Variants in PLXND1 observed in about 807,000 individuals in gnomAD.
PLXND1 encodes plexin D1.
A neutral mutation model predicts 197.7 loss-of-function variants in PLXND1; 54 were observed. That is an observed-to-expected ratio of 0.27 (90% CI 0.22 to 0.34). The LOEUF (loss-of-function observed/expected upper bound fraction) is 0.34. Among genes scored for constraint, PLXND1 ranks in the 10% least tolerant of loss-of-function variants. PLXND1 has a pLI of 1.00. For missense variants in PLXND1, 2,127 were observed against 2,699.2 expected (o/e 0.79, Z 4.70); for synonymous variants, 1,180 against 1,161.2 (o/e 1.02, Z -0.33).
chr3:129,562,760 G>C, intron 27 of PLXND1, 27 bp downstream of exon 27: 1 of 1,577,134 alleles, frequency 6.3e-7, no homozygotes, highest in Non-Finnish European at 8.7e-7. Flanking sequence ...CGCCTGACAC[G>C]GGGTCTCTGC....
At chr3:129,574,251 TC>T (rs1354755659) in intron 12 of PLXND1, 84 bp downstream of exon 12, 6 of 1,312,412 alleles carry the variant, frequency 4.6e-6, no homozygotes, top group Admixed American at 2.6e-5. Flanking sequence ...GCCGTTTGGG[TC>T]CCCAAGAAGT....
rs1196702248 is a variant in PLXND1 at position 129,586,752 on chromosome 3, C to G, written c.1489-33G>C. The G allele has an allele frequency of 1.3e-6, 2 of 1,591,038 alleles. 1 individual carries two copies. The highest frequency in any genetic ancestry group is 4.5e-5 in the East Asian group (2 of 44,054). ...GGTAGTGGGCATCAGGGTGCTGGAG[C>G]CCATAGCAGGGGAGGCCAAACCCAG... On this transcript the variant is annotated intron_variant, in intron 2 of 35. Transcript: ENST00000324093.
In PLXND1 at chr3:129,605,593, C is replaced by G. The variant is rs1435576646; in HGVS notation, c.1047G>C (p.Ala349=). 4 of 1,532,850 alleles carry G rather than the reference C, an allele frequency of 2.6e-6. No individual in the cohort carries two copies. The highest frequency in any genetic ancestry group is 3.5e-6 in the Non-Finnish European group (4 of 1,144,220). 95.0% of individuals were successfully genotyped at this position (1,532,850 alleles called of 1,614,324 possible). The change falls in exon 1 of 36, where the codon GCG becomes GCC. Residue 349 remains alanine (A), a synonymous_variant. Coordinates refer to ENST00000324093, the MANE Select transcript of PLXND1 (RefSeq NM_015103.3). The stretch of plus-strand genomic sequence containing the variant: ...GGCGGCTGTAGAGGTCGCCGCGGCC[C>G]GCGCCGCCCGCGCACTGCAAGCCCA... ...IQLGLQCAGG[A]GRGDLYSRLV...
Position 129,556,161 on chromosome 3 carries a change from C to A in PLXND1, c.*151G>T. ...GGGGTCAAGGCGGGGGCGCCCCTGT[C>A]TCAGAGAGCAGCCCCTCCTCCTGCC... On this transcript the variant is annotated 3_prime_UTR_variant, in exon 36 of 36. Transcript: ENST00000324093. The A allele has an allele frequency of 1.5e-6, 1 of 665,250 alleles. No individual in the cohort carries two copies. The highest frequency in any genetic ancestry group is 2.3e-5 in the Admixed American group (1 of 42,914). The allele number at this position is 665,250 out of a possible 1,614,324, so 41.2% of individuals were successfully genotyped here.
chr3:129,567,425 C>T, intron 22 of PLXND1, 67 bp downstream of exon 22: 1 of 914,650 alleles, frequency 1.1e-6, no homozygotes, highest in Non-Finnish European at 1.8e-6. Flanking sequence ...GCTGGCAGGG[C>T]TCAGAGAGGT....
chr3:129,601,024 GGGAA>G (rs2085700203), intron 1 of PLXND1, among the ~76,000 whole-genome samples: 1 of 152,070 alleles, frequency 6.6e-6, no homozygotes, highest in African/African-American at 2.4e-5. Context: ...GAAAGACTTG[GGGAA>G]GGAAGGTAGA....
chr3:129,605,292 C>A, intron 1 of PLXND1, 37 bp downstream of exon 1: 1 of 1,067,234 alleles, frequency 9.4e-7, no homozygotes, highest in Non-Finnish European at 1.2e-6. Context: ...CCCCCGCCGC[C>A]GCCGCCGCCG....
Position 129,605,719 on chromosome 3 carries a change from C to T in PLXND1, c.921G>A (p.Ala307=). 3 of 1,541,440 alleles carry T rather than the reference C, an allele frequency of 1.9e-6. No homozygotes were observed. Among genetic ancestry groups the T allele is most frequent in the Non-Finnish European group, 2.6e-6 (3 of 1,144,994 alleles). Residue 307 remains alanine, a synonymous_variant, in exon 1 of 36, where the codon GCG becomes GCA. Coordinates refer to ENST00000324093, the MANE Select transcript of PLXND1 (RefSeq NM_015103.3). ...TCCGCGCCTGGCTCTCCTTGTCGCC[C>T]GCGCGCGCCTCGCTGTTGAGCGCCA... The part of the protein sequence containing the change: ...AYLALNSEAR[A]GDKESQARSL...
rs181923492 is a variant in PLXND1, at chr3:129,601,330, G to A, written c.1311+3999C>T. On this transcript the variant is annotated intron_variant, in intron 1 of 35. Coordinates refer to ENST00000324093, the MANE Select transcript of PLXND1 (RefSeq NM_015103.3). ...CAGCAGCTTCTCCCTTTGGGTTCTC[G>A]GGAAGAAGGTGGAGGGCAGAGGGCA... Among the ~76,000 whole-genome samples the A allele has an allele frequency of 7.4e-4, 113 of 152,254 alleles. 1 individual carries two copies. The East Asian group carries it at 0.015, about 20-fold the overall frequency.
rs945593323 is a variant in PLXND1, at chr3:129,556,069, G to C, written c.*243C>G. On this transcript the variant is annotated 3_prime_UTR_variant, in exon 36 of 36. Coordinates refer to ENST00000324093, the MANE Select transcript of PLXND1 (RefSeq NM_015103.3). ...CCGTGCTGGGCAGATGGGGGAGCCT[G>C]ACCAGCTCTCTGGCCTCCATCCCAG... is the stretch of plus-strand genomic sequence containing the variant. 2 of 503,722 alleles carry C rather than the reference G, an allele frequency of 4.0e-6. No individual in the cohort carries two copies. Among genetic ancestry groups the C allele is most frequent in the Non-Finnish European group, 7.2e-6 (2 of 277,634 alleles). 31.2% of individuals were successfully genotyped at this position (503,722 alleles called of 1,614,324 possible).
At chr3:129,595,921 G>GCGCGCGCACACACACACACACA (rs138452605) in intron 1 of PLXND1, among the ~76,000 whole-genome samples, 1 of 146,410 alleles carries the variant, frequency 6.8e-6, no homozygotes, top group South Asian at 2.2e-4. Context: ...GTGCACGCAC[G>GCGCGCGCACACACACACACACA]CACACACACA....
chr3:129,576,356 A>G lies in PLXND1; in HGVS notation c.2347-501T>C, dbSNP rs182441575. On this transcript the variant is annotated intron_variant, in intron 9 of 35. Transcript: ENST00000324093. ...AAGCTCAACACAGCCTTCAGGATCCAGCTTAAAAGCCCCCTGTTCTGAAGC... is the reference window on the plus strand; with the variant it reads ...AAGCTCAACACAGCCTTCAGGATCCGGCTTAAAAGCCCCCTGTTCTGAAGC... Among the ~76,000 whole-genome samples the G allele has an allele frequency of 3.3e-4, 50 of 152,330 alleles. No homozygotes were observed. In the East Asian group the frequency reaches 8.7e-3, roughly 26 times the overall value.
chr3:129,576,461 T>C (rs1271573452), intron 9 of PLXND1, among the ~76,000 whole-genome samples: 4 of 152,186 alleles, frequency 2.6e-5, no homozygotes, highest in Non-Finnish European at 5.9e-5. Context: ...ACTATTCAGG[T>C]GTCTGCTGGG....
At chr3:129,599,034 CCTTGCCACT>C (rs2085667913) in intron 1 of PLXND1, among the ~76,000 whole-genome samples, 2 of 152,342 alleles carry the variant, frequency 1.3e-5, no homozygotes. Flanking sequence ...GGGAAGGCTT[CCTTGCCACT>C]CCATGGGCCA....
intron 19 of PLXND1, 153 bp downstream of exon 19, chr3:129,570,633 G>T: frequency 1.3e-6 from 1 of 747,322 alleles, no homozygotes; most frequent in Non-Finnish European, 2.2e-6. Flanking sequence ...TTCCTCATAT[G>T]TCAAGTGGGG....
In PLXND1 at chr3:129,599,961, GACGC is replaced by G. The variant is rs1314717823; in HGVS notation, c.1311+5364_1311+5367del. On this transcript the variant is annotated intron_variant, in intron 1 of 35. Transcript: ENST00000324093. Reference sequence around the variant, plus strand: ...CCTTCTGTAAGCTGGGGATGATGATGACGCACTGTCTGCCTGACCAGGGGAGGGG... The same window carrying G: ...CCTTCTGTAAGCTGGGGATGATGATGACTGTCTGCCTGACCAGGGGAGGGG... Among the ~76,000 whole-genome samples the G allele has an allele frequency of 3.9e-5, 6 of 152,346 alleles. No homozygotes were observed. The East Asian group carries it at 1.2e-3, about 29-fold the overall frequency.
At position 129,556,644 on chromosome 3, in the gene PLXND1, A is replaced by G. The variant is rs775346553; in HGVS notation, c.5634T>C (p.Tyr1878=). The G allele has an allele frequency of 9.9e-6, 16 of 1,613,504 alleles. 1 individual carries two copies. In the South Asian group the frequency reaches 1.8e-4, roughly 18 times the overall value. Reference sequence around the variant, plus strand: ...GCGGCCGATACCTCTTGGCGTACTTATAAATCTCTGCCATGGCCACATTGG... The same window carrying G: ...GCGGCCGATACCTCTTGGCGTACTTGTAAATCTCTGCCATGGCCACATTGG... ...FNTNVAMAEI[Y]KYAKRYRPQI... Residue 1878 remains tyrosine (Y), a synonymous_variant, in exon 35 of 36, where the codon TAT becomes TAC. Coordinates refer to ENST00000324093, the MANE Select transcript of PLXND1 (RefSeq NM_015103.3).
intron 1 of PLXND1, among the ~76,000 whole-genome samples, chr3:129,600,550 C>T (rs367649389): frequency 6.6e-6 from 1 of 151,998 alleles, no homozygotes; most frequent in East Asian, 1.9e-4. Flanking sequence ...CCCTGGGACA[C>T]ACAGCTTATG....
chr3:129,573,596 C>T lies in PLXND1; in HGVS notation c.2835G>A (p.Glu945=). ...EPLPDRYTVS[E]EIVCVTGPAP... is the part of the protein sequence containing the mutation. Reference sequence around the variant, plus strand: ...GTGGGGGCACCGTGGCTACTCACTCCTCCGACACCGTGTATCTGTCAGGCA... The same window carrying T: ...GTGGGGGCACCGTGGCTACTCACTCTTCCGACACCGTGTATCTGTCAGGCA... The change falls in exon 13 of 36, where the codon GAG becomes GAA. Residue 945 remains glutamate, a splice_region_variant and synonymous_variant. Coordinates refer to ENST00000324093, the MANE Select transcript of PLXND1 (RefSeq NM_015103.3). 1 of 1,612,776 alleles carries T rather than the reference C, an allele frequency of 6.2e-7. No individual in the cohort carries two copies. Among genetic ancestry groups the T allele is most frequent in the Middle Eastern group, 1.7e-4 (1 of 6,058 alleles).
Sources: allele counts gnomAD v4.1 joint callset (sites outside exome capture counted in the v4.1 genomes callset), GRCh38; gene constraint gnomAD v4.1.1; transcripts MANE v1.5; gene names NCBI Gene and HGNC (gene_info 2026-07-23, HGNC 2026-07-21).